CNTN4: variants seen among roughly 807,000 people sequenced by gnomAD.
CNTN4 encodes the protein contactin 4, also known as contactin-4.
In CNTN4, 77 loss-of-function variants were observed where a neutral mutation model predicts 122.5. The ratio of observed to expected loss-of-function variants is 0.63; its 90% CI spans 0.52 to 0.76. The LOEUF is 0.76. Among genes scored for constraint, CNTN4 ranks in the 30% least tolerant of loss-of-function variants. The pLI, the probability that CNTN4 is intolerant of heterozygous loss-of-function variation, is 0.00. For synonymous variants in CNTN4, 512 were observed against 447.0 expected (o/e 1.15, Z -1.83); for missense variants, 1,256 against 1,259.1 (o/e 1.00, Z 0.04).
At chr3:3,051,419 C>A (rs1425530366) in intron 23 of CNTN4, among the ~76,000 whole-genome samples, 1 of 152,166 alleles carries the variant, frequency 6.6e-6, no homozygotes, top group Non-Finnish European at 1.5e-5. Context: ...AAAAGTGCTG[C>A]TTTTTCCTGG....
intron 2 of CNTN4, among the ~76,000 whole-genome samples, chr3:2,113,440 A>C (rs1323351275): frequency 6.6e-6 from 1 of 152,218 alleles, no homozygotes; most frequent in Non-Finnish European, 1.5e-5. Flanking sequence ...TGAGAAATGC[A>C]GAAATTTTTT....
chr3:3,050,520 TTGGGAGGCCGAGG>T (rs1701151794), intron 23 of CNTN4, among the ~76,000 whole-genome samples: 1 of 151,870 alleles, frequency 6.6e-6, no homozygotes, highest in South Asian at 2.1e-4. Context: ...TCCCAGCACT[TTGGGAGGCCGAGG>T]TGGGTGGATC....
intron 3 of CNTN4, among the ~76,000 whole-genome samples, chr3:2,368,063 C>G (rs1416499334): frequency 7.7e-6 from 1 of 129,086 alleles, no homozygotes; most frequent in African/African-American, 3.1e-5. Flanking sequence ...GGTGGAGTGT[C>G]GCTCTGTCGC....
intron 4 of CNTN4, among the ~76,000 whole-genome samples, chr3:2,588,039 GTAT>G (rs2080284530): frequency 6.6e-6 from 1 of 151,306 alleles, no homozygotes; most frequent in Non-Finnish European, 1.5e-5. Context: ...TACGCTCCCT[GTAT>G]TATTATTCTC....
At chr3:2,603,234 A>G (rs560171126) in intron 4 of CNTN4, among the ~76,000 whole-genome samples, 39 of 152,302 alleles carry the variant, frequency 2.6e-4, no homozygotes, top group African/African-American at 8.9e-4. Flanking sequence ...GATTTTTCCC[A>G]TATGCCAAAC....
intron 13 of CNTN4, among the ~76,000 whole-genome samples, chr3:2,964,232 A>C (rs950620240): frequency 1.3e-5 from 2 of 152,084 alleles, no homozygotes; most frequent in Non-Finnish European, 2.9e-5. Flanking sequence ...CTCTACCTCC[A>C]CCCAAAGTAA....
chr3:2,883,313 C>G, intron 9 of CNTN4, 66 bp downstream of exon 9: 1 of 1,152,378 alleles, frequency 8.7e-7, no homozygotes, highest in Non-Finnish European at 1.3e-6. Context: ...GTTTTTCTTG[C>G]ACTGTTCACA....
intron 4 of CNTN4, among the ~76,000 whole-genome samples, chr3:2,574,895 G>C (rs1037378573): frequency 6.6e-6 from 1 of 151,536 alleles, no homozygotes; most frequent in South Asian, 2.1e-4. Flanking sequence ...TAATGTTAAT[G>C]AATAAAATTT....
chr3:2,934,631 G>A (rs2094552501), intron 13 of CNTN4, among the ~76,000 whole-genome samples: 1 of 152,238 alleles, frequency 6.6e-6, no homozygotes, highest in African/African-American at 2.4e-5. Context: ...GAGGCAGAGT[G>A]TCTATATATG....
At chr3:3,036,862 C>T (rs999473425) in intron 17 of CNTN4, among the ~76,000 whole-genome samples, 3 of 152,048 alleles carry the variant, frequency 2.0e-5, no homozygotes, top group African/African-American at 7.2e-5. Flanking sequence ...GTGTCTGGCA[C>T]TATACAATAA....
intron 3 of CNTN4, among the ~76,000 whole-genome samples, chr3:2,510,503 G>C (rs1214948290): frequency 6.6e-6 from 1 of 152,076 alleles, no homozygotes; most frequent in East Asian, 1.9e-4. Flanking sequence ...TTTGCGTGTG[G>C]TGGACTTTAA....
At chr3:2,268,396 C>T (rs949873107) in intron 2 of CNTN4, among the ~76,000 whole-genome samples, 1 of 151,932 alleles carries the variant, frequency 6.6e-6, no homozygotes, top group African/African-American at 2.4e-5. Flanking sequence ...ATAACGAGAG[C>T]CTGAAAAATT....
intron 5 of CNTN4, among the ~76,000 whole-genome samples, chr3:2,744,297 T>C (rs1262664784): frequency 2.0e-5 from 3 of 152,222 alleles, no homozygotes; most frequent in African/African-American, 7.2e-5. Flanking sequence ...ATTTTTTTCA[T>C]GTAAATCCTT....
chr3:2,895,842 G>A (rs1267084592), intron 10 of CNTN4, among the ~76,000 whole-genome samples: 1 of 152,186 alleles, frequency 6.6e-6, no homozygotes. Flanking sequence ...AGACCATCCT[G>A]GCTAACAGGG....
At chr3:2,113,794 G>A (rs1474503083) in intron 2 of CNTN4, among the ~76,000 whole-genome samples, 2 of 152,160 alleles carry the variant, frequency 1.3e-5, no homozygotes, top group African/African-American at 4.8e-5. Flanking sequence ...TATTGTTTGT[G>A]AAAACATGTT....
rs1444760499 is a variant in CNTN4 at position 2,123,816 on chromosome 3, A to G, written c.-145+23177A>G. 2.0e-5 allele frequency among the ~76,000 whole-genome samples: 3 copies of G among 152,344 alleles called. No individual in the cohort carries two copies. The East Asian group carries it at 5.8e-4, about 29-fold the overall frequency. On this transcript the variant is annotated intron_variant, in intron 2 of 24. Transcript: ENST00000418658. ...GATCAAAACTATGTTTGGGATGACC[A>G]GGCAGCTTGACATCATAGCACTGGT...
intron 3 of CNTN4, among the ~76,000 whole-genome samples, chr3:2,408,151 G>C (rs1445109108): frequency 6.6e-6 from 1 of 152,128 alleles, no homozygotes; most frequent in Non-Finnish European, 1.5e-5. Flanking sequence ...ATATTTTTCT[G>C]TACATCCTAA....
intron 2 of CNTN4, among the ~76,000 whole-genome samples, chr3:2,210,408 G>A (rs917906422): frequency 9.2e-5 from 14 of 152,092 alleles, no homozygotes; most frequent in African/African-American, 2.7e-4. Flanking sequence ...CCAAGGTTCC[G>A]GCATACCATT....
chr3:3,016,865 C>A (rs1459780837), intron 14 of CNTN4, among the ~76,000 whole-genome samples: 1 of 152,156 alleles, frequency 6.6e-6, no homozygotes, highest in Non-Finnish European at 1.5e-5. Flanking sequence ...GTAAGCATTC[C>A]ACTCAGGGGC....
Sources: allele counts gnomAD v4.1 joint callset (sites outside exome capture counted in the v4.1 genomes callset), GRCh38; gene constraint gnomAD v4.1.1; transcripts MANE v1.5; gene names NCBI Gene and HGNC (gene_info 2026-07-23, HGNC 2026-07-21).